Variants in PCDHGA1 observed in about 807,000 individuals in gnomAD.
The protein encoded by PCDHGA1 is protocadherin gamma subfamily A, 1.
In PCDHGA1, 32 loss-of-function variants were observed where a neutral mutation model predicts 58.0. The observed-to-expected ratio is 0.55, with a 90% CI of 0.42 to 0.74. The LOEUF (loss-of-function observed/expected upper bound fraction) is 0.74, where lower values mean the gene tolerates loss of function less well. Ranked by LOEUF, PCDHGA1 falls within the 30% of genes least tolerant of loss-of-function variation. The pLI is 0.00. For missense variants in PCDHGA1, 1,205 were observed against 1,182.3 expected (o/e 1.02, Z -0.28); for synonymous variants, 498 against 501.1 (o/e 0.99, Z 0.08).
chr5:141,393,072 G>A (rs2092669892), intron 1 of PCDHGA1: 1 of 1,613,680 alleles, frequency 6.2e-7, no homozygotes. Flanking sequence ...CTTGATCACC[G>A]CGGGCAGGAT....
intron 1 of PCDHGA1, chr5:141,346,189 G>C: frequency 6.2e-7 from 1 of 1,614,102 alleles, no homozygotes. Flanking sequence ...CTGCGGCGCT[G>C]GCACAAGTCA....
chr5:141,440,535 G>C (rs1305958587), intron 1 of PCDHGA1: 1 of 152,154 alleles, frequency 6.6e-6, no homozygotes, highest in African/African-American at 2.4e-5. Flanking sequence ...CATGCACCAC[G>C]GTTCAGCAGG....
At chr5:141,361,751 C>T (rs1762164495) in intron 1 of PCDHGA1, 2 of 1,613,064 alleles carry the variant, frequency 1.2e-6, no homozygotes, top group African/African-American at 1.3e-5. Flanking sequence ...GACCAGGGCT[C>T]GCCCGCGCTC....
rs775426401 is a variant in PCDHGA1, at chr5:141,350,605, C to A, written c.2421+17500C>A. The A allele has an allele frequency of 1.2e-6, 2 of 1,613,998 alleles. No individual in the cohort carries two copies. The highest frequency in any genetic ancestry group is 1.7e-6 in the Non-Finnish European group (2 of 1,179,886). On this transcript the variant is annotated intron_variant, in intron 1 of 3. Coordinates refer to ENST00000517417, the MANE Select transcript of PCDHGA1 (RefSeq NM_018912.3). The stretch of plus-strand genomic sequence containing the variant: ...CTGAAAACCCAATGAATGTTTTCCA[C>A]GTGGTTGTTGTAATCCAAGATATTA...
At position 141,489,099 on chromosome 5, in the gene PCDHGA1, G is replaced by C; in HGVS notation, c.2422-5708G>C. 5.5e-6 allele frequency: 2 copies of C among 361,982 alleles called. No homozygotes were observed. The highest frequency in any genetic ancestry group is 5.0e-5 in the South Asian group (1 of 19,862). 22.4% of individuals were successfully genotyped at this position (361,982 alleles called of 1,614,324 possible). On this transcript the variant is annotated intron_variant, in intron 1 of 3. Coordinates refer to ENST00000517417, the MANE Select transcript of PCDHGA1 (RefSeq NM_018912.3). The surrounding 1 kb of genome is among the most constrained non-coding windows in gnomAD (Gnocchi z 4.5). Reference sequence around the variant, plus strand: ...CCCCGCCACTCGGTGACTAAGAACTGCTGCAAGCAGGCAAACCTCCGAGCA... The same window carrying C: ...CCCCGCCACTCGGTGACTAAGAACTCCTGCAAGCAGGCAAACCTCCGAGCA...
Position 141,487,003 on chromosome 5 carries a change from C to T in PCDHGA1, c.2422-7804C>T. The stretch of plus-strand genomic sequence containing the variant: ...ACAATGCTTGGGTTTCCTATCAGCT[C>T]CTGGAGGCCCCAGATCCCAGCCTGT... On this transcript the variant is annotated intron_variant, in intron 1 of 3. Transcript: ENST00000517417. The surrounding 1 kb of genome is among the most constrained non-coding windows in gnomAD (Gnocchi z 5.0). 1 of 1,614,228 alleles carries T rather than the reference C, an allele frequency of 6.2e-7. No homozygotes were observed.
chr5:141,382,941 C>T (rs750185010), intron 1 of PCDHGA1: 2 of 1,594,792 alleles, frequency 1.3e-6, no homozygotes, highest in Non-Finnish European at 1.7e-6. Context: ...GAGGATTCTT[C>T]CTGCTCTCCA....
At chr5:141,393,848 A>T (rs1368797606) in intron 1 of PCDHGA1, 6 of 1,614,008 alleles carry the variant, frequency 3.7e-6, no homozygotes, top group Non-Finnish European at 5.1e-6. Flanking sequence ...ACAATAGACC[A>T]GAAGTGATCA....
At chr5:141,402,162 A>T (rs2150923142) in intron 1 of PCDHGA1, among the ~76,000 whole-genome samples, 1 of 152,306 alleles carries the variant, frequency 6.6e-6, no homozygotes, top group East Asian at 1.9e-4. Context: ...TTAGGCGAGA[A>T]CATCTGTAAC....
chr5:141,420,009 A>T, intron 1 of PCDHGA1: 1 of 1,614,088 alleles, frequency 6.2e-7, no homozygotes, highest in Non-Finnish European at 8.5e-7. Context: ...CGCCTGCGAC[A>T]GTCTTTCAGC....
chr5:141,421,420 G>C, intron 1 of PCDHGA1: 1 of 1,614,084 alleles, frequency 6.2e-7, no homozygotes, highest in Non-Finnish European at 8.5e-7. Context: ...GAAGCGCGGA[G>C]TCCGCATCGT....
intron 1 of PCDHGA1, chr5:141,350,198 G>A: frequency 7.0e-7 from 1 of 1,421,618 alleles, no homozygotes; most frequent in South Asian, 1.6e-5. Context: ...AGAAGTCCAG[G>A]GTGCTGCCAT....
rs1185020546 is a variant in PCDHGA1, at chr5:141,485,472, C to A, written c.2422-9335C>A. 3 of 1,614,138 alleles carry A rather than the reference C, an allele frequency of 1.9e-6. No homozygotes were observed. Among genetic ancestry groups the A allele is most frequent in the Non-Finnish European group, 2.5e-6 (3 of 1,180,022 alleles). On this transcript the variant is annotated intron_variant, in intron 1 of 3. Transcript: ENST00000517417. The surrounding 1 kb of genome is among the most constrained non-coding windows in gnomAD (Gnocchi z 5.7). The stretch of plus-strand genomic sequence containing the variant: ...CGAGAGGCACTGTGTGGGCTCAGTG[C>A]CAGCTGCATCGTGCCCCTGGAGTTT...
intron 1 of PCDHGA1, chr5:141,364,809 C>T (rs779195716): frequency 3.1e-6 from 5 of 1,613,834 alleles, no homozygotes; most frequent in Non-Finnish European, 4.2e-6. Flanking sequence ...GCGCGGGATG[C>T]GGATGTGGGT....
In PCDHGA1 at chr5:141,415,239, T is replaced by G. The variant is rs781763142; in HGVS notation, c.2422-79568T>G. The G allele has an allele frequency of 8.1e-6, 13 of 1,614,068 alleles. No individual in the cohort carries two copies. The South Asian group carries it at 1.3e-4, about 16-fold the overall frequency. The stretch of plus-strand genomic sequence containing the variant: ...GCAGCTTCGAGTCTCCAGCTAACTC[T>G]GAAACCTCAGACCTCACTCTGTACC... On this transcript the variant is annotated intron_variant, in intron 1 of 3. Coordinates refer to ENST00000517417, the MANE Select transcript of PCDHGA1 (RefSeq NM_018912.3).
In PCDHGA1 at chr5:141,489,117, T is replaced by A; in HGVS notation, c.2422-5690T>A. On this transcript the variant is annotated intron_variant, in intron 1 of 3. Coordinates refer to ENST00000517417, the MANE Select transcript of PCDHGA1 (RefSeq NM_018912.3). The surrounding 1 kb of genome is among the most constrained non-coding windows in gnomAD (Gnocchi z 4.5). ...AAGAACTGCTGCAAGCAGGCAAACCTCCGAGCAGTTTTTAAGAGGCTGGAA... is the reference window on the plus strand; with the variant it reads ...AAGAACTGCTGCAAGCAGGCAAACCACCGAGCAGTTTTTAAGAGGCTGGAA... The A allele has an allele frequency of 1.4e-5, 5 of 370,102 alleles. No homozygotes were observed. The highest frequency in any genetic ancestry group is 2.3e-5 in the Non-Finnish European group (5 of 214,436). 22.9% of individuals were successfully genotyped at this position (370,102 alleles called of 1,614,324 possible).
At chr5:141,488,762 C>T (rs1470160100) in intron 1 of PCDHGA1, among the ~76,000 whole-genome samples, 1 of 152,142 alleles carries the variant, frequency 6.6e-6, no homozygotes, top group Non-Finnish European at 1.5e-5. Context: ...TGGGACAGAA[C>T]GCTGAGGAGT....
At chr5:141,388,576 T>C (rs774429693) in intron 1 of PCDHGA1, 13 of 1,613,890 alleles carry the variant, frequency 8.1e-6, no homozygotes, top group South Asian at 3.3e-5. Context: ...ATACACGTTC[T>C]AGTGACTGAT....
intron 1 of PCDHGA1, chr5:141,376,898 A>G (rs1251182955): frequency 5.2e-6 from 1 of 193,904 alleles, no homozygotes; most frequent in East Asian, 1.4e-4. Context: ...CTTGTTAGCC[A>G]GGATGGTCTC....
Sources: gnomAD v4.1 joint callset for allele counts (sites outside exome capture counted in the v4.1 genomes callset) on GRCh38, gnomAD v4.1.1 for gene constraint, Gnocchi (gnomAD v3.1) non-coding constraint, MANE v1.5 for transcripts, NCBI Gene and HGNC (gene_info 2026-07-23, HGNC 2026-07-21) for gene names.